Variants in PTPRM observed in about 807,000 individuals in gnomAD.
PTPRM encodes the protein receptor-type tyrosine-protein phosphatase mu.
Under a neutral mutation model 186.7 loss-of-function variants are expected in PTPRM, and 47 were observed. That is an observed-to-expected ratio of 0.25 (90% confidence interval 0.20 to 0.32). PTPRM has a LOEUF of 0.32. Ranked by LOEUF, PTPRM falls within the 10% of genes least tolerant of loss-of-function variation. The pLI is 1.00. For synonymous variants in PTPRM, 668 were observed against 674.9 expected, an observed-to-expected ratio of 0.99 and a Z score of 0.16; for missense variants, 1,494 against 1,865.0, an observed-to-expected ratio of 0.80 and a Z score of 3.66.
At chr18:7,921,670 G>A (rs1376175792) in intron 4 of PTPRM, among the ~76,000 whole-genome samples, 1 of 152,024 alleles carries the variant, frequency 6.6e-6, no homozygotes, top group Non-Finnish European at 1.5e-5. Context: ...GTGAGCCACC[G>A]CACCCGGCCT....
chr18:7,921,443 C>T (rs893217667), intron 4 of PTPRM, among the ~76,000 whole-genome samples: 1 of 150,548 alleles, frequency 6.6e-6, no homozygotes, highest in African/African-American at 2.5e-5. Flanking sequence ...TGCAGTGGCG[C>T]AACCTTGGCT....
chr18:8,064,278 A>G (rs1163110900), intron 7 of PTPRM, among the ~76,000 whole-genome samples: 9 of 152,216 alleles, frequency 5.9e-5, no homozygotes, highest in Non-Finnish European at 1.3e-4. Context: ...CAAGAAAGAC[A>G]TGGTGAGACT....
intron 20 of PTPRM, among the ~76,000 whole-genome samples, chr18:8,300,882 C>G (rs1376408219): frequency 6.6e-6 from 1 of 152,236 alleles, no homozygotes; most frequent in East Asian, 1.9e-4. Flanking sequence ...TCCGTGTTAC[C>G]CCTTCCTCTA....
At chr18:8,286,787 T>C (rs559712686) in intron 19 of PTPRM, among the ~76,000 whole-genome samples, 40 of 152,338 alleles carry the variant, frequency 2.6e-4, no homozygotes, top group African/African-American at 9.6e-4. Context: ...TTTTCTAAAT[T>C]TCTAAAATAA....
At chr18:7,595,169 G>A (rs76662169) in intron 1 of PTPRM, among the ~76,000 whole-genome samples, 4,516 of 152,296 alleles carry the variant, frequency 0.03, 76 homozygotes, top group Middle Eastern at 0.078. Context: ...GTTGATGAAG[G>A]CAGGGATGGC....
intron 14 of PTPRM, among the ~76,000 whole-genome samples, chr18:8,203,679 T>TC (rs1375493917): frequency 6.6e-6 from 1 of 152,192 alleles, no homozygotes; most frequent in Non-Finnish European, 1.5e-5. Flanking sequence ...CATAATGTCT[T>TC]CAACTTTCAA....
At chr18:8,149,614 G>A (rs1489216958) in intron 14 of PTPRM, among the ~76,000 whole-genome samples, 8 of 152,112 alleles carry the variant, frequency 5.3e-5, no homozygotes, top group Admixed American at 6.5e-5. Flanking sequence ...TTGCCAGTCT[G>A]TGTCTTTTAA....
intron 14 of PTPRM, among the ~76,000 whole-genome samples, chr18:8,224,367 A>G (rs2094189028): frequency 6.6e-6 from 1 of 152,308 alleles, no homozygotes; most frequent in East Asian, 1.9e-4. Context: ...ACTCAATTAC[A>G]AGTGCAGCTA....
intron 13 of PTPRM, among the ~76,000 whole-genome samples, chr18:8,139,601 C>T (rs1333801678): frequency 6.6e-6 from 1 of 152,170 alleles, no homozygotes; most frequent in Non-Finnish European, 1.5e-5. Flanking sequence ...AATTATGCTT[C>T]ACCTTCTCCG....
At chr18:8,224,123 T>G (rs1426956268) in intron 14 of PTPRM, among the ~76,000 whole-genome samples, 2 of 152,214 alleles carry the variant, frequency 1.3e-5, no homozygotes, top group Non-Finnish European at 2.9e-5. Context: ...TCTTTAATGA[T>G]GAAACCCCAC....
chr18:8,057,381 A>G (rs2148326442), intron 7 of PTPRM, among the ~76,000 whole-genome samples: 1 of 151,252 alleles, frequency 6.6e-6, no homozygotes, highest in Middle Eastern at 3.5e-3. Context: ...ATTCTGTTTA[A>G]AATGAAAACA....
intron 4 of PTPRM, among the ~76,000 whole-genome samples, chr18:7,918,167 T>G (rs570854724): frequency 6.6e-6 from 1 of 152,228 alleles, no homozygotes; most frequent in South Asian, 2.1e-4. Flanking sequence ...GACTCCATAT[T>G]TTGGCAATTA....
At chr18:8,363,099 C>G (rs1350524576) in intron 23 of PTPRM, among the ~76,000 whole-genome samples, 1 of 152,222 alleles carries the variant, frequency 6.6e-6, no homozygotes, top group Admixed American at 6.5e-5. Flanking sequence ...GAATGACTGG[C>G]AGGACAGCCT....
chr18:7,763,259 T>C (rs745722151), intron 1 of PTPRM, among the ~76,000 whole-genome samples: 23 of 152,202 alleles, frequency 1.5e-4, no homozygotes, highest in Admixed American at 4.6e-4. Context: ...CAGTGAAATG[T>C]CACACTAAGC....
intron 13 of PTPRM, among the ~76,000 whole-genome samples, chr18:8,120,733 G>T (rs976812594): frequency 6.6e-6 from 1 of 151,932 alleles, no homozygotes; most frequent in Admixed American, 6.6e-5. Flanking sequence ...GAGCTCAAGC[G>T]ATCCACCCAC....
At chr18:8,215,248 C>T (rs1206994867) in intron 14 of PTPRM, among the ~76,000 whole-genome samples, 1 of 151,992 alleles carries the variant, frequency 6.6e-6, no homozygotes. Context: ...AAACAGTCCG[C>T]CAATTGTATA....
At chr18:8,016,421 G>A (rs1038210705) in intron 7 of PTPRM, among the ~76,000 whole-genome samples, 1 of 151,580 alleles carries the variant, frequency 6.6e-6, no homozygotes, top group African/African-American at 2.4e-5. Context: ...TCGGGAGACC[G>A]AGGCATGAGA....
At chr18:7,962,371 C>T (rs2053740360) in intron 7 of PTPRM, among the ~76,000 whole-genome samples, 1 of 152,122 alleles carries the variant, frequency 6.6e-6, no homozygotes, top group East Asian at 1.9e-4. Context: ...GAATTTTGTA[C>T]TAAATACAAA....
At chr18:8,023,321 AGTACTT>A (rs1286794624) in intron 7 of PTPRM, among the ~76,000 whole-genome samples, 3 of 152,202 alleles carry the variant, frequency 2.0e-5, no homozygotes, top group Non-Finnish European at 4.4e-5. Flanking sequence ...ATAATAATAA[AGTACTT>A]GTATAAAGTT....
Sources: gnomAD v4.1 joint callset for allele counts (sites outside exome capture counted in the v4.1 genomes callset) on GRCh38, gnomAD v4.1.1 for gene constraint, MANE v1.5 for transcripts, NCBI Gene and HGNC (gene_info 2026-07-23, HGNC 2026-07-21) for gene names.